CX3CR1: variants seen among roughly 807,000 people sequenced by gnomAD.
CX3CR1 encodes CX3C chemokine receptor 1.
For missense variants in CX3CR1, 363 were observed against 432.4 expected, an observed-to-expected ratio of 0.84 and a Z score of 1.42; for synonymous variants, 168 against 178.5, an observed-to-expected ratio of 0.94 and a Z score of 0.47.
chr3:39,265,210 C>T lies in CX3CR1; in HGVS notation c.*232G>A. On this transcript the variant is annotated 3_prime_UTR_variant, in exon 2 of 2. Transcript: ENST00000399220. ...TTTGTCATCTGCAAACCAAAAAGTT[C>T]TGATGACATTTGCAGTAAGAGAAAT... 1 of 467,758 alleles carries T rather than the reference C, an allele frequency of 2.1e-6. No individual in the cohort carries two copies. Among genetic ancestry groups the T allele is most frequent in the Non-Finnish European group, 3.7e-6 (1 of 267,392 alleles). 29.0% of individuals were successfully genotyped at this position (467,758 alleles called of 1,614,324 possible).
chr3:39,279,727 T>C (rs2669845), intron 1 of CX3CR1, among the ~76,000 whole-genome samples: 133,480 of 152,244 alleles, frequency 0.88, 58,598 homozygotes, highest in East Asian at 1. Flanking sequence ...GTCTCTAAAA[T>C]GTAATTACTA....
upstream of CX3CR1, among the ~76,000 whole-genome samples, chr3:39,284,654 G>A (rs117141207): frequency 1.1e-4 from 16 of 152,352 alleles, no homozygotes; most frequent in East Asian, 1.5e-3. Context: ...GGCCCTGTGC[G>A]AGGCACATTG....
chr3:39,266,257 G>A lies in CX3CR1; in HGVS notation c.253C>T (p.Pro85Ser), dbSNP rs1355228447. Reference protein sequence around the residue: ...LSDLLFVATLPFWTHYLINEK... With the variant: ...LSDLLFVATLSFWTHYLINEK... ...TTTATCAAATAGTGAGTCCAGAAGGGCAAAGTGGCTACAAACAGCAGATCA... is the reference window on the plus strand; with the variant it reads ...TTTATCAAATAGTGAGTCCAGAAGGACAAAGTGGCTACAAACAGCAGATCA... Residue 85 changes from proline (P) to serine (S), a missense_variant, in exon 2 of 2, where the codon CCC becomes TCC. Transcript: ENST00000399220. 3.7e-6 allele frequency: 6 copies of A among 1,614,210 alleles called. No individual in the cohort carries two copies. Among genetic ancestry groups the A allele is most frequent in the Admixed American group, 3.3e-5 (2 of 60,024 alleles).
At position 39,266,093 on chromosome 3, in the gene CX3CR1, G is replaced by A. The variant is rs750193930; in HGVS notation, c.417C>T (p.Asn139=). 5.6e-6 allele frequency: 9 copies of A among 1,614,106 alleles called. No individual in the cohort carries two copies. The highest frequency in any genetic ancestry group is 7.6e-6 in the Non-Finnish European group (9 of 1,180,064). ...TGACGCCATGCTGCACGGTCCGGTT[G>A]TTCATGGAGTTGGCGGCCAGGACGA... is the stretch of plus-strand genomic sequence containing the variant. The part of the protein sequence containing the change: ...LAIVLAANSM[N]NRTVQHGVTI... The change falls in exon 2 of 2, where the codon AAC becomes AAT. Residue 139 remains asparagine, a synonymous_variant. Transcript: ENST00000399220.
chr3:39,287,344 T>TGCA, the CX3CR1 span: 1 of 152,220 alleles, frequency 6.6e-6, no homozygotes, highest in South Asian at 2.1e-4. Context: ...TTTACTGTCG[T>TGCA]GCAGATGTAG....
At chr3:39,284,168 A>G (rs1003763077), upstream of CX3CR1, among the ~76,000 whole-genome samples, 5 of 151,700 alleles carry the variant, frequency 3.3e-5, no homozygotes, top group Admixed American at 2.0e-4. Flanking sequence ...CTGAGAAACC[A>G]TTGTCTAAGT....
chr3:39,273,909 T>C (rs1200020668), intron 1 of CX3CR1, among the ~76,000 whole-genome samples: 1 of 152,124 alleles, frequency 6.6e-6, no homozygotes, highest in African/African-American at 2.4e-5. Context: ...GGATTACAGG[T>C]GTGAGCCATC....
chr3:39,266,444 A>T lies in CX3CR1; in HGVS notation c.66T>A (p.Tyr22Ter). 6.2e-7 allele frequency: 1 copy of T among 1,614,220 alleles called. No individual in the cohort carries two copies. The highest frequency in any genetic ancestry group is 2.2e-5 in the East Asian group (1 of 44,888). Residue 22 changes from tyrosine (Y) to a stop codon, truncating the protein, a stop_gained, in exon 2 of 2, where the codon TAT (tyrosine) becomes TAA (stop). Coordinates refer to ENST00000399220, the MANE Select transcript of CX3CR1 (RefSeq NM_001337.4). LOFTEE classifies it low-confidence loss of function (END_TRUNC). ...FEYDDLAEACYIGDIVVFGTV... is the reference protein window; with the variant it reads ...FEYDDLAEAC ...TCCCAAAGACCACGATGTCCCCAAT[A>T]TAACAGGCCTCAGCCAAATCATCGT...
chr3:39,288,384 T>C, the CX3CR1 span, among the ~76,000 whole-genome samples: 5 of 152,210 alleles, frequency 3.3e-5, no homozygotes, highest in Non-Finnish European at 5.9e-5. Context: ...GTCTCTACCC[T>C]TTCCCTTAAT....
the CX3CR1 span, among the ~76,000 whole-genome samples, chr3:39,288,381 C>T: frequency 2.6e-5 from 4 of 152,214 alleles, no homozygotes; most frequent in Non-Finnish European, 4.4e-5. Flanking sequence ...AGGGTCTCTA[C>T]CCTTTCCCTT....
chr3:39,269,305 A>G (rs552594428), intron 1 of CX3CR1, among the ~76,000 whole-genome samples: 1 of 152,172 alleles, frequency 6.6e-6, no homozygotes, highest in African/African-American at 2.4e-5. Context: ...AGGGGTCCCA[A>G]ATCAGGCCCT....
intron 1 of CX3CR1, among the ~76,000 whole-genome samples, chr3:39,277,227 T>C (rs1021972917): frequency 2.6e-5 from 4 of 152,194 alleles, no homozygotes; most frequent in Non-Finnish European, 5.9e-5. Flanking sequence ...GCATCAGCTG[T>C]GGCCAGCGTG....
At chr3:39,292,655 C>T in the CX3CR1 span, among the ~76,000 whole-genome samples, 4 of 152,202 alleles carry the variant, frequency 2.6e-5, no homozygotes, top group Non-Finnish European at 5.9e-5. Context: ...TTTGTTTAAT[C>T]CTCCAGCAAT....
chr3:39,288,936 G>T, the CX3CR1 span, among the ~76,000 whole-genome samples: 3 of 152,082 alleles, frequency 2.0e-5, no homozygotes, highest in East Asian at 5.8e-4. Context: ...AGGTCGAGGC[G>T]GGCGGATCAC....
Position 39,266,243 on chromosome 3 carries a change from G to T in CX3CR1, c.267C>A (p.His89Gln). 6.2e-7 allele frequency: 1 copy of T among 1,614,200 alleles called. No individual in the cohort carries two copies. The highest frequency in any genetic ancestry group is 1.7e-5 in the Admixed American group (1 of 60,030). The change falls in exon 2 of 2, where the codon CAC becomes CAA. Residue 89 changes from histidine (H) to glutamine (Q), a missense_variant. Transcript: ENST00000399220. ...LFVATLPFWT[H>Q]YLINEKGLHN... ...GGAGGCCCTTTTCATTTATCAAATAGTGAGTCCAGAAGGGCAAAGTGGCTA... is the reference window on the plus strand; with the variant it reads ...GGAGGCCCTTTTCATTTATCAAATATTGAGTCCAGAAGGGCAAAGTGGCTA...
chr3:39,283,841 AAT>A (rs1353541763), upstream of CX3CR1, among the ~76,000 whole-genome samples: 1,836 of 109,680 alleles, frequency 0.017, 42 homozygotes, highest in Middle Eastern at 0.026. Context: ...ATATATATAT[AAT>A]GTGGTTAATA....
intron 1 of CX3CR1, among the ~76,000 whole-genome samples, chr3:39,268,261 G>A (rs909935493): frequency 2.6e-5 from 4 of 152,192 alleles, no homozygotes; most frequent in Non-Finnish European, 4.4e-5. Flanking sequence ...CAACCCCAGG[G>A]AACGTGTATG....
At chr3:39,283,577 C>T (rs770757749), upstream of CX3CR1, among the ~76,000 whole-genome samples, 53 of 151,362 alleles carry the variant, frequency 3.5e-4, no homozygotes, top group Non-Finnish European at 6.5e-4. Flanking sequence ...ATCAGGGGTT[C>T]AAGACCAGCC....
chr3:39,280,597 C>A (rs147711841), upstream of CX3CR1, among the ~76,000 whole-genome samples: 1 of 152,364 alleles, frequency 6.6e-6, no homozygotes, highest in African/African-American at 2.4e-5. Context: ...GAGTACCTTG[C>A]ACCTTGTAGA....
Sources: gnomAD v4.1 joint callset for allele counts (sites outside exome capture counted in the v4.1 genomes callset) on GRCh38, gnomAD v4.1.1 for gene constraint, MANE v1.5 for transcripts, NCBI Gene and HGNC (gene_info 2026-07-23, HGNC 2026-07-21) for gene names.